Variants in ALDH5A1 observed in about 807,000 individuals in gnomAD.
ALDH5A1 encodes succinate-semialdehyde dehydrogenase, mitochondrial.
A neutral mutation model predicts 54.7 loss-of-function variants in ALDH5A1; 33 were observed. The ratio of observed to expected loss-of-function variants is 0.60; its 90% CI spans 0.46 to 0.81. ALDH5A1 has a LOEUF of 0.81. Ranked by LOEUF, ALDH5A1 falls within the 30% of genes least tolerant of loss-of-function variation. ALDH5A1 has a pLI of 0.00. For missense variants in ALDH5A1, 657 were observed against 711.0 expected (o/e 0.92, Z 0.86); for synonymous variants, 294 against 292.7 (o/e 1.00, Z -0.05).
At chr6:24,529,734 C>T (rs988971137) in intron 8 of ALDH5A1, among the ~76,000 whole-genome samples, 3 of 109,926 alleles carry the variant, frequency 2.7e-5, no homozygotes, top group South Asian at 3.2e-4. Flanking sequence ...TGCAGTGTTG[C>T]GATCTCAGCT....
rs1759972861 is a variant in ALDH5A1 at position 24,533,402 on chromosome 6, G to A, written c.1403-105G>A. The A allele has an allele frequency of 2.5e-6, 3 of 1,198,734 alleles. No individual in the cohort carries two copies. In the African/African-American group the frequency reaches 4.5e-5, roughly 18 times the overall value. 74.3% of individuals were successfully genotyped at this position (1,198,734 alleles called of 1,614,324 possible). ...TATCTGGGAGCAGGGAAGACTCCAGGCCCAAGTGGCTGGACAAAAAGTCAT... is the reference window on the plus strand; with the variant it reads ...TATCTGGGAGCAGGGAAGACTCCAGACCCAAGTGGCTGGACAAAAAGTCAT... On this transcript the variant is annotated intron_variant, in intron 9 of 9. Coordinates refer to ENST00000357578, the MANE Select transcript of ALDH5A1 (RefSeq NM_001080.3).
In ALDH5A1 at chr6:24,495,263, G is replaced by A. The variant is rs964260186; in HGVS notation, c.267G>A (p.Met89Ile). The A allele has an allele frequency of 2.6e-6, 4 of 1,532,450 alleles. No individual in the cohort carries two copies. The highest frequency in any genetic ancestry group is 2.5e-5 in the East Asian group (1 of 40,808). 94.9% of individuals were successfully genotyped at this position (1,532,450 alleles called of 1,614,324 possible). A position where few individuals can be genotyped will look rare whatever the true frequency, so the allele number is the denominator to read the frequency against. Residue 89 changes from methionine (M) to isoleucine (I), a missense_variant, in exon 1 of 10, where the codon ATG becomes ATA. This residue lies in a region of ALDH5A1 where 232 missense variants were observed against 194.6 expected (regional missense o/e 1.19). Coordinates refer to ENST00000357578, the MANE Select transcript of ALDH5A1 (RefSeq NM_001080.3). ...CGGCCAGCGGCGCCGCTCTGGGCATGGTAGCCGACTGCGGGGTGCGAGAGG... is the reference window on the plus strand; with the variant it reads ...CGGCCAGCGGCGCCGCTCTGGGCATAGTAGCCGACTGCGGGGTGCGAGAGG... ...QDPASGAALGMVADCGVREAR... is the reference protein window; with the variant it reads ...QDPASGAALGIVADCGVREAR...
At chr6:24,517,809 G>C (rs935727546) in intron 5 of ALDH5A1, among the ~76,000 whole-genome samples, 5 of 152,366 alleles carry the variant, frequency 3.3e-5, no homozygotes, top group Middle Eastern at 3.4e-3. Context: ...TCAGAGATTA[G>C]GGGCTGAGCT....
intron 7 of ALDH5A1, among the ~76,000 whole-genome samples, chr6:24,525,259 A>G (rs1759778349): frequency 1.3e-5 from 2 of 152,240 alleles, no homozygotes; most frequent in African/African-American, 4.8e-5. Flanking sequence ...TAAAATTCAT[A>G]GAAAGTAAGC....
chr6:24,505,172 G>A (rs1759313449), intron 4 of ALDH5A1, among the ~76,000 whole-genome samples, 187 bp downstream of exon 4: 1 of 152,186 alleles, frequency 6.6e-6, no homozygotes, highest in African/African-American at 2.4e-5. Flanking sequence ...AAATGGATGA[G>A]GGATCTTCTG....
At chr6:24,503,113 C>T in intron 2 of ALDH5A1, 150 bp from the exon 3 acceptor site, 2 of 894,400 alleles carry the variant, frequency 2.2e-6, no homozygotes, top group South Asian at 3.1e-5. Flanking sequence ...CTTTTTAAAA[C>T]TCACACCAAA....
chr6:24,534,723 A>G lies in ALDH5A1; in HGVS notation c.*1011A>G, dbSNP rs1760010182. 1.3e-5 allele frequency: 2 copies of G among 152,382 alleles called. No individual in the cohort carries two copies. Among genetic ancestry groups the G allele is most frequent in the African/African-American group, 2.4e-5 (1 of 41,472 alleles). The allele number at this position is 152,382 out of a possible 1,614,324, so 9.4% of individuals were successfully genotyped here. On this transcript the variant is annotated 3_prime_UTR_variant, in exon 10 of 10. Transcript: ENST00000357578. Reference sequence around the variant, plus strand: ...GCCTACTGTCAGTGGCTTTGCCAAGATGGGAGGAGGCCAGTGCCCACTTGC... The same window carrying G: ...GCCTACTGTCAGTGGCTTTGCCAAGGTGGGAGGAGGCCAGTGCCCACTTGC...
chr6:24,528,522 C>T (rs1173223850), intron 8 of ALDH5A1, among the ~76,000 whole-genome samples: 1 of 151,870 alleles, frequency 6.6e-6, no homozygotes, highest in Admixed American at 6.6e-5. Context: ...ACCACCATAC[C>T]AGGCTAATTT....
Position 24,495,006 on chromosome 6 carries a change from T to C in ALDH5A1, c.10T>C (p.Cys4Arg). 8 of 1,319,266 alleles carry C rather than the reference T, an allele frequency of 6.1e-6. No individual in the cohort carries two copies. The highest frequency in any genetic ancestry group is 2.6e-5 in the South Asian group (1 of 39,044). 81.7% of individuals were successfully genotyped at this position (1,319,266 alleles called of 1,614,324 possible). A position where few individuals can be genotyped will look rare whatever the true frequency, so the allele number is the denominator to read the frequency against. The change falls in exon 1 of 10, where the codon TGC (cysteine) becomes CGC (arginine). Residue 4 changes from cysteine to arginine, a missense_variant. Around this residue, in one of 2 missense-constraint regions of ALDH5A1, gnomAD observed 232 missense variants for 194.6 expected, o/e 1.19. Transcript: ENST00000357578. Reference protein sequence around the residue: MATCIWLRSCGARR... With the variant: MATRIWLRSCGARR... The stretch of plus-strand genomic sequence containing the variant: ...CGTCGTTGCCCGGGCCATGGCGACC[T>C]GCATTTGGCTGCGGAGCTGTGGGGC...
intron 1 of ALDH5A1, among the ~76,000 whole-genome samples, chr6:24,500,765 T>G (rs1027194633): frequency 6.6e-6 from 1 of 151,972 alleles, no homozygotes; most frequent in Non-Finnish European, 1.5e-5. Context: ...TCCACAAAAC[T>G]TATTTTATCT....
chr6:24,524,817 C>T (rs552304322), intron 7 of ALDH5A1, among the ~76,000 whole-genome samples: 6 of 152,170 alleles, frequency 3.9e-5, no homozygotes, highest in Non-Finnish European at 8.8e-5. Flanking sequence ...TCACACCGTG[C>T]CTTTATCGAC....
chr6:24,521,377 T>G (rs1759679680), intron 6 of ALDH5A1, among the ~76,000 whole-genome samples: 2 of 152,262 alleles, frequency 1.3e-5, no homozygotes, highest in South Asian at 4.1e-4. Flanking sequence ...TCAAATCTGC[T>G]GAGGAGCTGG....
intron 3 of ALDH5A1, among the ~76,000 whole-genome samples, chr6:24,504,130 AC>A (rs1278654268): frequency 6.6e-6 from 1 of 152,128 alleles, no homozygotes; most frequent in East Asian, 1.9e-4. Context: ...GTCACTATTT[AC>A]TAAATGTGCA....
At chr6:24,508,475 T>C (rs1035962998) in intron 4 of ALDH5A1, among the ~76,000 whole-genome samples, 4 of 150,210 alleles carry the variant, frequency 2.7e-5, no homozygotes, top group African/African-American at 9.8e-5. Flanking sequence ...TAGTATTCCA[T>C]CCTATGTATA....
intron 1 of ALDH5A1, among the ~76,000 whole-genome samples, chr6:24,497,012 G>A (rs867624353): frequency 1.3e-5 from 2 of 152,134 alleles, no homozygotes; most frequent in East Asian, 3.8e-4. Context: ...GGTTCCTGCC[G>A]GTAGGTTTGT....
chr6:24,499,726 G>A (rs1302882599), intron 1 of ALDH5A1, among the ~76,000 whole-genome samples: 6 of 34,028 alleles, frequency 1.8e-4, no homozygotes, highest in Non-Finnish European at 4.4e-4. Context: ...GAGTGCAGTG[G>A]CGCAGTCTCG....
chr6:24,519,747 A>T (rs112611875), intron 5 of ALDH5A1, among the ~76,000 whole-genome samples: 4,563 of 144,066 alleles, frequency 0.032, 151 homozygotes, highest in African/African-American at 0.076. Context: ...ATATAATTAT[A>T]CCATCCTGTT....
At chr6:24,507,649 T>C (rs1426364307) in intron 4 of ALDH5A1, among the ~76,000 whole-genome samples, 2 of 151,994 alleles carry the variant, frequency 1.3e-5, no homozygotes, top group African/African-American at 2.4e-5. Flanking sequence ...GGTTTGGTTT[T>C]ACTCCCTTAG....
Position 24,533,866 on chromosome 6 carries a change from A to G in ALDH5A1, c.*154A>G. 1 of 742,728 alleles carries G rather than the reference A, an allele frequency of 1.3e-6. No homozygotes were observed. Among genetic ancestry groups the G allele is most frequent in the Non-Finnish European group, 2.2e-6 (1 of 461,002 alleles). The allele number at this position is 742,728 out of a possible 1,614,324, so 46.0% of individuals were successfully genotyped here. A position where few individuals can be genotyped will look rare whatever the true frequency, so the allele number is the denominator to read the frequency against. ...GTAATCTTAAACAGATGCAAATCCT[A>G]CCCCTGCCCTTAATGTAACTAGGGA... On this transcript the variant is annotated 3_prime_UTR_variant, in exon 10 of 10. Coordinates refer to ENST00000357578, the MANE Select transcript of ALDH5A1 (RefSeq NM_001080.3).
Sources: allele counts gnomAD v4.1 joint callset (sites outside exome capture counted in the v4.1 genomes callset), GRCh38; gene constraint gnomAD v4.1.1; regional missense constraint gnomAD v4.1.1; transcripts MANE v1.5; gene names NCBI Gene and HGNC (gene_info 2026-07-23, HGNC 2026-07-21).